Variants in NPAS2 observed in about 807,000 individuals in gnomAD.
NPAS2 encodes neuronal PAS domain-containing protein 2.
In NPAS2, 23 loss-of-function variants were observed where a neutral mutation model predicts 107.5. The ratio of observed to expected loss-of-function variants is 0.21; its 90% CI spans 0.15 to 0.30. NPAS2 has a LOEUF of 0.30. Ranked by LOEUF, NPAS2 falls within the 10% of genes least tolerant of loss-of-function variation. The pLI is 1.00. For missense variants in NPAS2, 756 were observed against 1,043.3 expected (o/e 0.72, Z 3.79); for synonymous variants, 403 against 417.5 (o/e 0.97, Z 0.42).
chr2:100,848,737 A>C (rs145524094), intron 1 of NPAS2, among the ~76,000 whole-genome samples: 11 of 152,380 alleles, frequency 7.2e-5, no homozygotes, highest in Middle Eastern at 3.4e-3. Context: ...CAACGAATAC[A>C]TAGATCTGTA....
Position 100,996,005 on chromosome 2 carries a change from G to C in NPAS2, c.*423G>C. ...TTTGTATTGGAGAAGGACTGGGTCA[G>C]AGATCTGTTGGAGAGAGAGAATAAA... is the stretch of plus-strand genomic sequence containing the variant. On this transcript the variant is annotated 3_prime_UTR_variant, in exon 21 of 21. Transcript: ENST00000335681. The C allele has an allele frequency of 8.2e-7, 1 of 1,212,226 alleles. No individual in the cohort carries two copies. Among genetic ancestry groups the C allele is most frequent in the Non-Finnish European group, 1.1e-6 (1 of 944,916 alleles). The allele number at this position is 1,212,226 out of a possible 1,614,324, so 75.1% of individuals were successfully genotyped here. A position where few individuals can be genotyped will look rare whatever the true frequency, so the allele number is the denominator to read the frequency against.
intron 15 of NPAS2, among the ~76,000 whole-genome samples, chr2:100,979,844 T>G (rs1386125755): frequency 6.6e-6 from 1 of 152,172 alleles, no homozygotes; most frequent in African/African-American, 2.4e-5. Context: ...ACTATATTCT[T>G]TAAGACATCC....
chr2:100,952,435 G>A (rs1359642528), intron 7 of NPAS2, among the ~76,000 whole-genome samples: 3 of 151,964 alleles, frequency 2.0e-5, no homozygotes, highest in Admixed American at 1.3e-4. Context: ...ATGATGGCGG[G>A]TGCCTGTAAT....
chr2:100,938,405 C>G (rs2104978435), intron 5 of NPAS2, among the ~76,000 whole-genome samples: 1 of 152,116 alleles, frequency 6.6e-6, no homozygotes, highest in South Asian at 2.1e-4. Flanking sequence ...CTGGGTGGAC[C>G]AGGAGAGGGT....
At position 100,958,999 on chromosome 2, in the gene NPAS2, C is replaced by T. The variant is rs532742006; in HGVS notation, c.599-5059C>T. On this transcript the variant is annotated intron_variant, in intron 7 of 20. Transcript: ENST00000335681. ...AAGCCAGGCCAGGCACGGTGGCTGA[C>T]ACCTGTAATCCCCGCACTTTGAGAA... Among the ~76,000 whole-genome samples the T allele has an allele frequency of 9.3e-5, 14 of 150,760 alleles. No individual in the cohort carries two copies. The South Asian group carries it at 1.9e-3, about 20-fold the overall frequency.
chr2:100,896,857 C>T (rs1414334051), intron 1 of NPAS2, among the ~76,000 whole-genome samples: 2 of 152,052 alleles, frequency 1.3e-5, no homozygotes, highest in Non-Finnish European at 1.5e-5. Flanking sequence ...CTTCTTCATT[C>T]CTCATGCATT....
At chr2:100,945,584 C>G (rs567133090) in intron 5 of NPAS2, among the ~76,000 whole-genome samples, 1 of 152,190 alleles carries the variant, frequency 6.6e-6, no homozygotes, top group Non-Finnish European at 1.5e-5. Context: ...GGCACAGGGT[C>G]GAGCCCTGAC....
At chr2:100,917,091 A>T (rs1466292076) in intron 2 of NPAS2, among the ~76,000 whole-genome samples, 1 of 152,206 alleles carries the variant, frequency 6.6e-6, no homozygotes, top group Non-Finnish European at 1.5e-5. Context: ...ATCAACAACT[A>T]ATCTCTACCT....
intron 19 of NPAS2, among the ~76,000 whole-genome samples, chr2:100,991,270 GC>G (rs1219210419): frequency 6.6e-6 from 1 of 152,248 alleles, no homozygotes; most frequent in African/African-American, 2.4e-5. Context: ...CCGTGCTCGG[GC>G]CCGTCTCTCC....
intron 1 of NPAS2, among the ~76,000 whole-genome samples, chr2:100,872,488 CTT>C (rs1679642403): frequency 6.6e-6 from 1 of 152,032 alleles, no homozygotes; most frequent in Non-Finnish European, 1.5e-5. Context: ...TAATAACAAA[CTT>C]TTATTTTAAG....
chr2:100,952,928 G>A (rs555375291), intron 7 of NPAS2, among the ~76,000 whole-genome samples: 1 of 151,596 alleles, frequency 6.6e-6, no homozygotes, highest in Non-Finnish European at 1.5e-5. Context: ...AAGAAAGAGT[G>A]CGGAGTGTCT....
chr2:100,825,614 A>G lies in NPAS2; in HGVS notation c.-23+5200A>G, dbSNP rs540105007. 7.2e-5 allele frequency among the ~76,000 whole-genome samples: 11 copies of G among 152,294 alleles called. No individual in the cohort carries two copies. The East Asian group carries it at 1.9e-3, about 27-fold the overall frequency. ...CCACACCTGCCTCTGGAGGTTTATC[A>G]GATTGGCCACTCAACCCTGGTGAGG... On this transcript the variant is annotated intron_variant, in intron 1 of 20. Coordinates refer to ENST00000335681, the MANE Select transcript of NPAS2 (RefSeq NM_002518.4).
At chr2:100,901,231 A>T (rs1178649931) in intron 1 of NPAS2, among the ~76,000 whole-genome samples, 1 of 152,092 alleles carries the variant, frequency 6.6e-6, no homozygotes, top group Non-Finnish European at 1.5e-5. Context: ...AATAAGACTC[A>T]TGAGTATTTA....
intron 11 of NPAS2, among the ~76,000 whole-genome samples, chr2:100,969,908 C>T (rs1676440867): frequency 6.6e-6 from 1 of 152,192 alleles, no homozygotes; most frequent in Non-Finnish European, 1.5e-5. Context: ...CAATATGTCC[C>T]ATAAGCACAT....
intron 15 of NPAS2, among the ~76,000 whole-genome samples, 185 bp from the exon 16 acceptor site, chr2:100,982,046 G>C (rs1196842193): frequency 6.6e-6 from 1 of 152,224 alleles, no homozygotes; most frequent in East Asian, 1.9e-4. Context: ...GGGGCCCCCA[G>C]GATGCCCAGA....
At chr2:100,995,281 C>G in intron 20 of NPAS2, 119 bp from the exon 21 acceptor site, 1 of 882,506 alleles carries the variant, frequency 1.1e-6, no homozygotes, top group Non-Finnish European at 1.7e-6. Context: ...ACATGACCCC[C>G]CAAGAAAGAC....
intron 7 of NPAS2, among the ~76,000 whole-genome samples, chr2:100,951,374 A>C (rs529990705): frequency 1.3e-5 from 2 of 152,332 alleles, no homozygotes; most frequent in East Asian, 3.9e-4. Context: ...CTTGAGAGAT[A>C]TTTGCACACC....
chr2:100,952,852 G>T (rs868261030), intron 7 of NPAS2, among the ~76,000 whole-genome samples: 157 of 133,492 alleles, frequency 1.2e-3, no homozygotes, highest in African/African-American at 3.5e-3. Context: ...TATGTGTGAG[G>T]TTTTTTTTTT....
intron 2 of NPAS2, among the ~76,000 whole-genome samples, chr2:100,907,269 T>C (rs146600237): frequency 6.6e-6 from 1 of 152,212 alleles, no homozygotes; most frequent in Non-Finnish European, 1.5e-5. Context: ...AATCAGTTTG[T>C]ATGCAGTTTC....
Sources: gnomAD v4.1 joint callset for allele counts (sites outside exome capture counted in the v4.1 genomes callset) on GRCh38, gnomAD v4.1.1 for gene constraint, MANE v1.5 for transcripts, NCBI Gene and HGNC (gene_info 2026-07-23, HGNC 2026-07-21) for gene names.